Variants in TMTC1 observed in about 807,000 individuals in gnomAD.
The protein encoded by TMTC1 is protein O-mannosyl-transferase TMTC1.
TMTC1 carries 73 observed loss-of-function variants against 104.8 expected under a neutral mutation model. That is an observed-to-expected ratio of 0.70 (90% CI 0.58 to 0.85). The LOEUF (loss-of-function observed/expected upper bound fraction) is 0.85, where lower values mean the gene tolerates loss of function less well. Among genes scored for constraint, TMTC1 ranks in the 40% least tolerant of loss-of-function variants. TMTC1 has a pLI of 0.00. For synonymous variants in TMTC1, 434 were observed against 428.7 expected, an observed-to-expected ratio of 1.01 and a Z score of -0.15; for missense variants, 1,035 against 1,096.1, an observed-to-expected ratio of 0.94 and a Z score of 0.79.
At chr12:29,651,250 A>G (rs1235490492) in intron 5 of TMTC1, among the ~76,000 whole-genome samples, 2 of 152,254 alleles carry the variant, frequency 1.3e-5, no homozygotes, top group Non-Finnish European at 2.9e-5. Flanking sequence ...AAAGACAGCC[A>G]TATCATTTAG....
chr12:29,595,365 T>C (rs1173692432), intron 7 of TMTC1, among the ~76,000 whole-genome samples: 1 of 152,242 alleles, frequency 6.6e-6, no homozygotes, highest in African/African-American at 2.4e-5. Flanking sequence ...CTCTGCTCAC[T>C]TCATTCTAGC....
chr12:29,723,772 G>C (rs1303389696), intron 5 of TMTC1, among the ~76,000 whole-genome samples: 1 of 152,058 alleles, frequency 6.6e-6, no homozygotes, highest in African/African-American at 2.4e-5. Context: ...TGTGTAAGTA[G>C]AAATTTAATC....
chr12:29,757,788 A>G (rs1420900267), intron 3 of TMTC1, among the ~76,000 whole-genome samples: 1 of 152,178 alleles, frequency 6.6e-6, no homozygotes, highest in East Asian at 1.9e-4. Context: ...AGCAAGTCAC[A>G]TCTTACATGG....
At chr12:29,659,583 A>T (rs568236131) in intron 5 of TMTC1, among the ~76,000 whole-genome samples, 1 of 152,238 alleles carries the variant, frequency 6.6e-6, no homozygotes, top group South Asian at 2.1e-4. Context: ...GGCCAAATAA[A>T]CGCTTTTCTT....
At chr12:29,756,197 T>A (rs1412255679) in intron 3 of TMTC1, among the ~76,000 whole-genome samples, 1 of 152,214 alleles carries the variant, frequency 6.6e-6, no homozygotes, top group African/African-American at 2.4e-5. Flanking sequence ...ATCGAGTTAC[T>A]AAACTATATG....
rs1293189946 is a variant in TMTC1, at chr12:29,725,862, A to G, written c.938+25804T>C. ...ATAACATTTAAGACATCTAATTGCT[A>G]AAACTCAATATTCAAATTCAACACT... On this transcript the variant is annotated intron_variant, in intron 5 of 17. Transcript: ENST00000539277. Among the ~76,000 whole-genome samples, 4 of 152,374 alleles carry G rather than the reference A, an allele frequency of 2.6e-5. No individual in the cohort carries two copies. The East Asian group carries it at 7.7e-4, about 29-fold the overall frequency.
At chr12:29,622,667 C>T (rs565717258) in intron 6 of TMTC1, among the ~76,000 whole-genome samples, 25 of 152,288 alleles carry the variant, frequency 1.6e-4, no homozygotes, top group Middle Eastern at 3.4e-3. Context: ...AGGGTCAGAG[C>T]ACATTAGTTC....
chr12:29,578,226 C>A (rs1945877383), intron 8 of TMTC1, among the ~76,000 whole-genome samples: 1 of 151,896 alleles, frequency 6.6e-6, no homozygotes, highest in South Asian at 2.1e-4. Flanking sequence ...CACTAAAATC[C>A]TAAGAACACA....
intron 7 of TMTC1, among the ~76,000 whole-genome samples, chr12:29,588,566 C>A (rs928378996): frequency 6.6e-6 from 1 of 152,176 alleles, no homozygotes; most frequent in Admixed American, 6.5e-5. Context: ...ATATCAAGAA[C>A]ATATCAGTGA....
intron 5 of TMTC1, among the ~76,000 whole-genome samples, chr12:29,646,252 TCTC>T (rs1939262908): frequency 6.6e-6 from 1 of 152,146 alleles, no homozygotes; most frequent in Non-Finnish European, 1.5e-5. Context: ...CCATATATAA[TCTC>T]CTCTAACGAC....
chr12:29,577,604 A>G (rs1314853213), intron 8 of TMTC1, among the ~76,000 whole-genome samples: 1 of 152,040 alleles, frequency 6.6e-6, no homozygotes, highest in Non-Finnish European at 1.5e-5. Flanking sequence ...CTCTCATTTT[A>G]CACAAGAGAG....
chr12:29,515,989 T>C (rs1454322772), intron 15 of TMTC1, among the ~76,000 whole-genome samples: 1 of 151,318 alleles, frequency 6.6e-6, no homozygotes. Context: ...GTAATCCTCA[T>C]AACAACCCTG....
At chr12:29,508,216 C>A (rs1020234767) in intron 17 of TMTC1, among the ~76,000 whole-genome samples, 1 of 152,124 alleles carries the variant, frequency 6.6e-6, no homozygotes, top group Non-Finnish European at 1.5e-5. Flanking sequence ...CTGGCATGTA[C>A]AACAAAAGGA....
At chr12:29,766,024 T>C (rs1943455601) in intron 2 of TMTC1, among the ~76,000 whole-genome samples, 1 of 152,152 alleles carries the variant, frequency 6.6e-6, no homozygotes, top group Admixed American at 6.6e-5. Context: ...GTCATTACAG[T>C]CATTTACTGT....
At chr12:29,598,271 G>A (rs1260130186) in intron 7 of TMTC1, among the ~76,000 whole-genome samples, 1 of 152,176 alleles carries the variant, frequency 6.6e-6, no homozygotes, top group Admixed American at 6.5e-5. Context: ...ATACACAGAT[G>A]GATCATGAGA....
At chr12:29,528,934 G>A (rs1036425757) in intron 11 of TMTC1, among the ~76,000 whole-genome samples, 12 of 152,034 alleles carry the variant, frequency 7.9e-5, no homozygotes, top group Admixed American at 2.6e-4. Context: ...AGCGAGAATA[G>A]TGGCATTAGT....
intron 10 of TMTC1, among the ~76,000 whole-genome samples, chr12:29,548,680 G>C (rs966671393): frequency 2.6e-5 from 4 of 151,312 alleles, no homozygotes; most frequent in Admixed American, 1.3e-4. Context: ...AAATTACCCA[G>C]TCTCAGGTAT....
chr12:29,523,911 C>T lies in TMTC1; in HGVS notation c.1786-3191G>A, dbSNP rs114484557. 2.9e-3 allele frequency among the ~76,000 whole-genome samples: 443 copies of T among 152,214 alleles called. 3 individuals are homozygous for T. The highest frequency in any genetic ancestry group is 0.01 in the African/African-American group (416 of 41,542). ...GGTCTGCTGGGGCCTATTGTATGAA[C>T]TCAGTCCAAAATAATGGCATCTCCT... On this transcript the variant is annotated intron_variant, in intron 11 of 17. Coordinates refer to ENST00000539277, the MANE Select transcript of TMTC1 (RefSeq NM_001193451.2).
At chr12:29,750,868 A>C (rs1181938523) in intron 5 of TMTC1, among the ~76,000 whole-genome samples, 1 of 152,196 alleles carries the variant, frequency 6.6e-6, no homozygotes, top group Non-Finnish European at 1.5e-5. Flanking sequence ...AATGATCCAC[A>C]TAGGGCTACT....
Sources: gnomAD v4.1 joint callset for allele counts (sites outside exome capture counted in the v4.1 genomes callset) on GRCh38, gnomAD v4.1.1 for gene constraint, MANE v1.5 for transcripts, NCBI Gene and HGNC (gene_info 2026-07-23, HGNC 2026-07-21) for gene names.